The following NOL11 variants were observed in gnomAD, a reference collection of about 807,000 sequenced individuals.
The protein encoded by NOL11 is nucleolar protein 11.
Under a neutral mutation model 93.0 loss-of-function variants are expected in NOL11, and 42 were observed. The observed-to-expected ratio is 0.45, with a 90% CI of 0.35 to 0.58. The LOEUF is 0.58. Ranked by LOEUF, NOL11 falls within the 20% of genes least tolerant of loss-of-function variation. The pLI is 0.00. For synonymous variants in NOL11, 296 were observed against 293.7 expected, an observed-to-expected ratio of 1.01 and a Z score of -0.08; for missense variants, 775 against 841.8, an observed-to-expected ratio of 0.92 and a Z score of 0.98.
intron 4 of NOL11, among the ~76,000 whole-genome samples, chr17:67,722,325 G>T (rs2043223084): frequency 6.6e-6 from 1 of 152,182 alleles, no homozygotes; most frequent in Admixed American, 6.5e-5. Flanking sequence ...GGGAAGCACT[G>T]CATCTCCCCT....
chr17:67,719,771 T>C lies in NOL11; in HGVS notation c.239T>C (p.Val80Ala), dbSNP rs914029392. Residue 80 changes from valine (V) to alanine (A), a missense_variant, in exon 2 of 18, where the codon GTT (valine) becomes GCT (alanine). Val to Ala is a moderately conservative substitution (Grantham distance 64). Coordinates refer to ENST00000253247, the MANE Select transcript of NOL11 (RefSeq NM_015462.5). ...AACTTTCAAACTGGAGAGTATGTTG[T>C]TGTACACGATAATAAGGTGAGTTTT... ...VCNFQTGEYVVVHDNKVLRIW... is the reference protein window; with the variant it reads ...VCNFQTGEYVAVHDNKVLRIW... The C allele has an allele frequency of 1.2e-6, 2 of 1,602,332 alleles. No homozygotes were observed. The highest frequency in any genetic ancestry group is 1.7e-6 in the Non-Finnish European group (2 of 1,172,944).
At chr17:67,723,475 G>C (rs2055055207) in intron 5 of NOL11, among the ~76,000 whole-genome samples, 1 of 136,296 alleles carries the variant, frequency 7.3e-6, no homozygotes, top group African/African-American at 2.8e-5. Flanking sequence ...TGCAACCTCT[G>C]CCTCCTGGGT....
chr17:67,742,522 TAA>T (rs1301895917), intron 16 of NOL11, among the ~76,000 whole-genome samples: 1 of 152,224 alleles, frequency 6.6e-6, no homozygotes, highest in Non-Finnish European at 1.5e-5. Flanking sequence ...CTATTAAAAT[TAA>T]AGTTTTCCTC....
At chr17:67,738,570 G>C (rs2055225623) in intron 14 of NOL11, 1 of 520,092 alleles carries the variant, frequency 1.9e-6, no homozygotes, top group African/African-American at 1.9e-5. Context: ...GGTGGCTCAT[G>C]CCTGTAGTCC....
chr17:67,720,874 G>A (rs2043212788), intron 3 of NOL11, among the ~76,000 whole-genome samples: 1 of 152,224 alleles, frequency 6.6e-6, no homozygotes, highest in African/African-American at 2.4e-5. Flanking sequence ...AGCTAGCTGT[G>A]CTGTTCCCTG....
rs2143134581 is a variant in NOL11 at position 67,738,005 on chromosome 17, C to A, written c.1529+33C>A. 3 of 1,577,478 alleles carry A rather than the reference C, an allele frequency of 1.9e-6. No homozygotes were observed. In the Middle Eastern group the frequency reaches 5.1e-4, roughly 269 times the overall value. On this transcript the variant is annotated intron_variant, in intron 13 of 17. Transcript: ENST00000253247. Reference sequence around the variant, plus strand: ...AGACTCCAATGGTCCTTTTTCTTCACTACATTTATAATCTGTTACATTATT... The same window carrying A: ...AGACTCCAATGGTCCTTTTTCTTCAATACATTTATAATCTGTTACATTATT...
At chr17:67,738,586 C>G in intron 14 of NOL11, 2 of 486,006 alleles carry the variant, frequency 4.1e-6, no homozygotes, top group Admixed American at 3.7e-5. Context: ...AGTCCCAGCA[C>G]TTTTTGAGGC....
intron 14 of NOL11, chr17:67,738,718 T>A: frequency 2.0e-6 from 1 of 497,954 alleles, no homozygotes; most frequent in South Asian, 3.4e-5. Flanking sequence ...ACACAGAAGC[T>A]CTATCAATTC....
In NOL11 at chr17:67,724,211, A is replaced by G. The variant is rs2055065190; in HGVS notation, c.664+18A>G. ...GTCATTAAGTAAGTTTTCTTTCTTTAAACTTTCAGAGATTATAAATAGAGG... is the reference window on the plus strand; with the variant it reads ...GTCATTAAGTAAGTTTTCTTTCTTTGAACTTTCAGAGATTATAAATAGAGG... On this transcript the variant is annotated intron_variant, in intron 6 of 17. Transcript: ENST00000253247. 6.9e-7 allele frequency: 1 copy of G among 1,450,102 alleles called. No homozygotes were observed. Among genetic ancestry groups the G allele is most frequent in the Admixed American group, 2.1e-5 (1 of 46,776 alleles). 89.8% of individuals were successfully genotyped at this position (1,450,102 alleles called of 1,614,324 possible). A position where few individuals can be genotyped will look rare whatever the true frequency, so the allele number is the denominator to read the frequency against.
At chr17:67,738,386 T>C (rs2055223867) in intron 14 of NOL11, 31 bp downstream of exon 14, 1 of 1,449,504 alleles carries the variant, frequency 6.9e-7, no homozygotes, top group South Asian at 1.2e-5. Context: ...TCCCTCTGTT[T>C]CTCTTTATAG....
chr17:67,736,473 A>G (rs1206761316), intron 9 of NOL11, 193 bp from the exon 10 acceptor site: 2 of 533,160 alleles, frequency 3.8e-6, no homozygotes, highest in Non-Finnish European at 6.6e-6. Context: ...CTCATCTGTT[A>G]GCTTAACGTT....
chr17:67,733,386 G>A (rs2055172778), intron 7 of NOL11, among the ~76,000 whole-genome samples: 2 of 152,030 alleles, frequency 1.3e-5, no homozygotes, highest in East Asian at 1.9e-4. Context: ...ACAAAAATTG[G>A]ATTTTTGTTT....
intron 5 of NOL11, among the ~76,000 whole-genome samples, chr17:67,723,447 G>T: frequency 8.7e-6 from 1 of 115,066 alleles, no homozygotes; most frequent in Non-Finnish European, 1.6e-5. Flanking sequence ...GGAGTACAGT[G>T]GCACAATCTC....
intron 16 of NOL11, among the ~76,000 whole-genome samples, chr17:67,741,021 C>G (rs1051799159): frequency 3.3e-5 from 5 of 152,154 alleles, no homozygotes; most frequent in Non-Finnish European, 5.9e-5. Context: ...CTTACCCTCC[C>G]AAGTAGCTGG....
chr17:67,731,866 G>C (rs2055157180), intron 7 of NOL11, among the ~76,000 whole-genome samples: 1 of 152,176 alleles, frequency 6.6e-6, no homozygotes, highest in African/African-American at 2.4e-5. Flanking sequence ...TTTGATTACT[G>C]TAACTTTATA....
intron 2 of NOL11, 39 bp downstream of exon 2, chr17:67,719,826 A>G: frequency 2.7e-6 from 4 of 1,467,856 alleles, no homozygotes; most frequent in Non-Finnish European, 3.7e-6. Flanking sequence ...TACAATATAA[A>G]TGTTGATTAT....
At chr17:67,732,254 G>A (rs901316999) in intron 7 of NOL11, among the ~76,000 whole-genome samples, 2 of 152,058 alleles carry the variant, frequency 1.3e-5, no homozygotes, top group Non-Finnish European at 1.5e-5. Context: ...GGCCAAGGTG[G>A]CCGGATCACC....
chr17:67,739,293 C>G (rs528510913), intron 15 of NOL11, among the ~76,000 whole-genome samples: 9 of 152,270 alleles, frequency 5.9e-5, no homozygotes, highest in Admixed American at 5.2e-4. Context: ...TTCTCTCTAC[C>G]TATTATTTAC....
At chr17:67,730,032 G>A (rs1475633014) in intron 7 of NOL11, among the ~76,000 whole-genome samples, 1 of 152,050 alleles carries the variant, frequency 6.6e-6, no homozygotes, top group East Asian at 1.9e-4. Flanking sequence ...GAGCCACCAC[G>A]CCTGGCTAGC....
Sources: allele counts gnomAD v4.1 joint callset (sites outside exome capture counted in the v4.1 genomes callset), GRCh38; gene constraint gnomAD v4.1.1; transcripts MANE v1.5; gene names NCBI Gene and HGNC (gene_info 2026-07-23, HGNC 2026-07-21).